The following FAM110B variants were observed in gnomAD, a reference collection of about 807,000 sequenced individuals.
The protein encoded by FAM110B is protein FAM110B.
In FAM110B, 6 loss-of-function variants were observed where a neutral mutation model predicts 20.4. That is an observed-to-expected ratio of 0.29 (90% CI 0.16 to 0.58). The LOEUF is 0.58. Ranked by LOEUF, FAM110B falls within the 20% of genes least tolerant of loss-of-function variation. The pLI is 0.90. For missense variants in FAM110B, 434 were observed against 498.2 expected (o/e 0.87, Z 1.23); for synonymous variants, 226 against 214.1 (o/e 1.06, Z -0.49).
At chr8:58,051,872 C>A (rs1465570835) in intron 2 of FAM110B, among the ~76,000 whole-genome samples, 1 of 152,120 alleles carries the variant, frequency 6.6e-6, no homozygotes, top group Non-Finnish European at 1.5e-5. Context: ...TTTTACTCTC[C>A]CCTACCTCTT....
intron 3 of FAM110B, among the ~76,000 whole-genome samples, chr8:58,139,045 G>A (rs551342038): frequency 6.6e-5 from 10 of 152,224 alleles, no homozygotes; most frequent in South Asian, 2.1e-4. Flanking sequence ...TCATCTTGTC[G>A]AAAAAATTAA....
chr8:58,021,937 C>T (rs1210992741), intron 1 of FAM110B, among the ~76,000 whole-genome samples: 1 of 152,152 alleles, frequency 6.6e-6, no homozygotes, highest in Non-Finnish European at 1.5e-5. Context: ...TTGTTTTACA[C>T]ACATACTCTA....
chr8:58,069,763 ACT>A (rs1365199675), intron 2 of FAM110B, among the ~76,000 whole-genome samples: 2 of 152,232 alleles, frequency 1.3e-5, no homozygotes, highest in East Asian at 1.9e-4. Context: ...ATAAAGTAAG[ACT>A]CAGATTTTAT....
At chr8:58,073,884 G>A (rs946688874) in intron 2 of FAM110B, among the ~76,000 whole-genome samples, 2 of 152,128 alleles carry the variant, frequency 1.3e-5, no homozygotes, top group African/African-American at 4.8e-5. Flanking sequence ...TTTAACTCTT[G>A]ACAAATTTGG....
At chr8:58,124,091 C>A (rs1405889928) in intron 3 of FAM110B, among the ~76,000 whole-genome samples, 2 of 152,138 alleles carry the variant, frequency 1.3e-5, no homozygotes, top group East Asian at 3.9e-4. Context: ...AAAGTGTCAA[C>A]CTAGTGAAGG....
chr8:58,095,199 G>A (rs1041999008), intron 3 of FAM110B, among the ~76,000 whole-genome samples: 10 of 152,084 alleles, frequency 6.6e-5, no homozygotes, highest in African/African-American at 2.2e-4. Flanking sequence ...CCAGCTCCTG[G>A]ATTTACTGAT....
intron 1 of FAM110B, among the ~76,000 whole-genome samples, chr8:58,027,465 A>G (rs969856220): frequency 2.0e-5 from 3 of 152,016 alleles, no homozygotes; most frequent in Non-Finnish European, 4.4e-5. Context: ...CAATGTATAT[A>G]TAACTAAATT....
chr8:58,066,416 G>A (rs1262298747), intron 2 of FAM110B, among the ~76,000 whole-genome samples: 2 of 152,220 alleles, frequency 1.3e-5, no homozygotes, highest in Non-Finnish European at 2.9e-5. Flanking sequence ...AGTGTCTGTG[G>A]AGGAGCTGGG....
intron 3 of FAM110B, among the ~76,000 whole-genome samples, chr8:58,099,358 A>G (rs1806719906): frequency 6.6e-6 from 1 of 152,180 alleles, no homozygotes; most frequent in Non-Finnish European, 1.5e-5. Flanking sequence ...AAAATTTAAA[A>G]AAAAAAATCA....
chr8:58,070,420 A>T (rs2150590040), intron 2 of FAM110B: 1 of 152,342 alleles, frequency 6.6e-6, no homozygotes, highest in African/African-American at 2.4e-5. Context: ...CACGAAAAAC[A>T]CGGCCATGCG....
chr8:58,119,148 C>A lies in FAM110B; in HGVS notation c.-324-26759C>A, dbSNP rs149310750. On this transcript the variant is annotated intron_variant, in intron 3 of 3. Coordinates refer to ENST00000519262, the MANE Select transcript of FAM110B (RefSeq NM_001377989.1). ...CCTGAAGAAAGTTCGTGTGCATGCC[C>A]TCCCTTTTCTCCCCTCATAACTTAT... Among the ~76,000 whole-genome samples the A allele has an allele frequency of 8.1e-3, 1,239 of 152,328 alleles. 6 individuals are homozygous for A. The highest frequency in any genetic ancestry group is 0.012 in the Non-Finnish European group (821 of 68,044).
chr8:58,074,999 C>T (rs1805998324), intron 2 of FAM110B, among the ~76,000 whole-genome samples: 1 of 151,996 alleles, frequency 6.6e-6, no homozygotes, highest in Non-Finnish European at 1.5e-5. Context: ...AAAAAAGAAA[C>T]AATAGTTGAA....
intron 3 of FAM110B, among the ~76,000 whole-genome samples, chr8:58,084,195 A>G (rs1470499599): frequency 6.6e-6 from 1 of 152,182 alleles, no homozygotes; most frequent in Non-Finnish European, 1.5e-5. Flanking sequence ...ATAGTGGAGG[A>G]AAAAATGAGT....
chr8:58,063,826 A>G (rs1419953687), intron 2 of FAM110B, among the ~76,000 whole-genome samples: 1 of 152,212 alleles, frequency 6.6e-6, no homozygotes, highest in Non-Finnish European at 1.5e-5. Context: ...GTCAAATGGT[A>G]AGATTGTTAA....
At chr8:58,051,043 T>G (rs1196651117) in intron 2 of FAM110B, among the ~76,000 whole-genome samples, 1 of 152,214 alleles carries the variant, frequency 6.6e-6, no homozygotes, top group Non-Finnish European at 1.5e-5. Flanking sequence ...GTCCTTGGCA[T>G]GCAGAGATGT....
chr8:58,139,268 A>G (rs915384921), intron 3 of FAM110B, among the ~76,000 whole-genome samples: 3 of 152,232 alleles, frequency 2.0e-5, no homozygotes, highest in South Asian at 2.1e-4. Context: ...TTTACTTGCA[A>G]TCCGGAGCTG....
intron 3 of FAM110B, among the ~76,000 whole-genome samples, chr8:58,090,701 TA>T (rs890396434): frequency 1.3e-5 from 2 of 152,156 alleles, no homozygotes; most frequent in Admixed American, 1.3e-4. Context: ...TTACTCAAAA[TA>T]AAGGCTAAAG....
At chr8:58,034,406 C>T (rs1805033682) in intron 2 of FAM110B, among the ~76,000 whole-genome samples, 1 of 152,202 alleles carries the variant, frequency 6.6e-6, no homozygotes, top group Admixed American at 6.5e-5. Flanking sequence ...CCAGCCCTGA[C>T]CCCTTTCCTG....
At chr8:58,112,035 G>T (rs997684908) in intron 3 of FAM110B, among the ~76,000 whole-genome samples, 4 of 152,132 alleles carry the variant, frequency 2.6e-5, no homozygotes, top group African/African-American at 9.7e-5. Flanking sequence ...TTTAAAATTA[G>T]TACTTTTGGC....
Sources: gnomAD v4.1 joint callset for allele counts (sites outside exome capture counted in the v4.1 genomes callset) on GRCh38, gnomAD v4.1.1 for gene constraint, MANE v1.5 for transcripts, NCBI Gene and HGNC (gene_info 2026-07-23, HGNC 2026-07-21) for gene names.